Variants in KIF26B observed in about 807,000 individuals in gnomAD.
The protein encoded by KIF26B is kinesin family member 26B, also known as kinesin-like protein KIF26B.
Under a neutral mutation model 151.2 loss-of-function variants are expected in KIF26B, and 63 were observed. The observed-to-expected ratio is 0.42, with a 90% CI of 0.34 to 0.51. The LOEUF is 0.51. Ranked by LOEUF, KIF26B falls within the 20% of genes least tolerant of loss-of-function variation. KIF26B has a pLI of 0.07. For synonymous variants in KIF26B, 1,357 were observed against 1,262.1 expected (o/e 1.08, Z -1.59); for missense variants, 2,813 against 2,913.6 (o/e 0.97, Z 0.79).
intron 4 of KIF26B, among the ~76,000 whole-genome samples, chr1:245,466,415 A>G (rs1452291288): frequency 2.0e-5 from 3 of 152,240 alleles, no homozygotes; most frequent in African/African-American, 7.2e-5. Context: ...AAGTTATTTT[A>G]AGAGAGTGTT....
At position 245,611,978 on chromosome 1, in the gene KIF26B, T is replaced by C; in HGVS notation, c.2098+2T>C. 6.2e-7 allele frequency: 1 copy of C among 1,609,926 alleles called. No individual in the cohort carries two copies. The highest frequency in any genetic ancestry group is 8.5e-7 in the Non-Finnish European group (1 of 1,177,172). On this transcript the variant is annotated splice_donor_variant, in intron 9 of 14. Coordinates refer to ENST00000407071, the MANE Select transcript of KIF26B (RefSeq NM_018012.4). LOFTEE classifies it high-confidence loss of function. ...TGGAGAAGAGCGGGAAAGGGGGAAG[T>C]AAGTCGGCCACTCCACCCTCCTGCC...
intron 8 of KIF26B, among the ~76,000 whole-genome samples, chr1:245,610,922 T>C (rs1408626723): frequency 1.3e-5 from 2 of 152,228 alleles, no homozygotes; most frequent in Non-Finnish European, 2.9e-5. Flanking sequence ...TCAGAATTTG[T>C]ACCAACCTTA....
chr1:245,291,415 T>C (rs1361184963), intron 2 of KIF26B, among the ~76,000 whole-genome samples: 1 of 152,168 alleles, frequency 6.6e-6, no homozygotes, highest in African/African-American at 2.4e-5. Context: ...GAAGATAAAA[T>C]TTCTCTTTGG....
At chr1:245,494,616 AT>A (rs1188014560) in intron 4 of KIF26B, among the ~76,000 whole-genome samples, 4 of 152,350 alleles carry the variant, frequency 2.6e-5, no homozygotes, top group African/African-American at 7.2e-5. Flanking sequence ...AAGAAAAAAA[AT>A]AGGCACTGGA....
At chr1:245,354,583 C>T (rs182330281) in intron 2 of KIF26B, among the ~76,000 whole-genome samples, 62 of 152,320 alleles carry the variant, frequency 4.1e-4, no homozygotes, top group East Asian at 1.9e-4. Flanking sequence ...CTGGGCCAGG[C>T]GGTCAGGATC....
intron 9 of KIF26B, among the ~76,000 whole-genome samples, chr1:245,617,460 T>C (rs1421354404): frequency 6.6e-6 from 1 of 152,158 alleles, no homozygotes. Context: ...TAATGCTGTA[T>C]TTAGGGCTGT....
intron 5 of KIF26B, among the ~76,000 whole-genome samples, chr1:245,577,254 G>C (rs73137630): frequency 0.054 from 8,253 of 152,208 alleles, 519 homozygotes; most frequent in African/African-American, 0.15. Flanking sequence ...CATTTCCTGG[G>C]ATCTCAAGCT....
At chr1:245,268,793 C>G (rs1294773917) in intron 2 of KIF26B, among the ~76,000 whole-genome samples, 1 of 152,124 alleles carries the variant, frequency 6.6e-6, no homozygotes, top group Non-Finnish European at 1.5e-5. Flanking sequence ...AATTCTAAAT[C>G]TTTCTGAGCC....
intron 3 of KIF26B, among the ~76,000 whole-genome samples, chr1:245,398,855 C>T (rs1474682726): frequency 6.6e-6 from 1 of 151,820 alleles, no homozygotes; most frequent in Non-Finnish European, 1.5e-5. Flanking sequence ...GTACAAAGGA[C>T]ACCCTTATTC....
chr1:245,301,705 T>C (rs939748191), intron 2 of KIF26B, among the ~76,000 whole-genome samples: 7 of 152,228 alleles, frequency 4.6e-5, no homozygotes, highest in Non-Finnish European at 8.8e-5. Flanking sequence ...ATTGCTGTTA[T>C]CATTTCAAAT....
intron 4 of KIF26B, among the ~76,000 whole-genome samples, chr1:245,455,490 G>A (rs535448501): frequency 7.1e-4 from 108 of 152,242 alleles, no homozygotes; most frequent in Non-Finnish European, 1.2e-3. Flanking sequence ...GTGACAGAGT[G>A]AGATCTGTCT....
chr1:245,586,633 C>T (rs1056587897), intron 5 of KIF26B, among the ~76,000 whole-genome samples: 2 of 152,018 alleles, frequency 1.3e-5, no homozygotes, highest in Non-Finnish European at 1.5e-5. Flanking sequence ...CCTGTAATCC[C>T]AGCACTTTGG....
At chr1:245,220,097 C>A (rs1268725994) in intron 2 of KIF26B, among the ~76,000 whole-genome samples, 1 of 152,156 alleles carries the variant, frequency 6.6e-6, no homozygotes, top group Admixed American at 6.5e-5. Flanking sequence ...AGAGCTTCGG[C>A]CTCTCTCTCC....
At chr1:245,652,142 G>A (rs2044025331) in intron 10 of KIF26B, among the ~76,000 whole-genome samples, 1 of 131,006 alleles carries the variant, frequency 7.6e-6, no homozygotes, top group Non-Finnish European at 1.6e-5. Context: ...GTGTGTGTGT[G>A]TGTGAGAGAG....
chr1:245,588,820 G>A (rs1237323375), intron 5 of KIF26B, among the ~76,000 whole-genome samples: 1 of 152,184 alleles, frequency 6.6e-6, no homozygotes, highest in Non-Finnish European at 1.5e-5. Context: ...AACAGATGCA[G>A]TCCTGGGAAA....
chr1:245,261,959 C>T (rs1670653202), intron 2 of KIF26B, among the ~76,000 whole-genome samples: 1 of 152,184 alleles, frequency 6.6e-6, no homozygotes, highest in African/African-American at 2.4e-5. Flanking sequence ...CTGGATCCAA[C>T]ACTAGAGTTA....
chr1:245,192,533 C>G (rs1669127828), intron 2 of KIF26B, among the ~76,000 whole-genome samples: 1 of 152,166 alleles, frequency 6.6e-6, no homozygotes, highest in South Asian at 2.1e-4. Flanking sequence ...ATAAATCATC[C>G]TTGAATAAAC....
At chr1:245,312,055 A>G (rs958356132) in intron 2 of KIF26B, among the ~76,000 whole-genome samples, 2 of 152,184 alleles carry the variant, frequency 1.3e-5, no homozygotes, top group African/African-American at 4.8e-5. Flanking sequence ...TAGTCATCCT[A>G]TAAAGAGCCC....
In KIF26B at chr1:245,440,199, C is replaced by A. The variant is rs552619408; in HGVS notation, c.1166+20454C>A. 2.5e-4 allele frequency among the ~76,000 whole-genome samples: 37 copies of A among 150,688 alleles called. No individual in the cohort carries two copies. The South Asian group carries it at 7.0e-3, about 28-fold the overall frequency. Reference sequence around the variant, plus strand: ...TCGTGCCACTGCACACCAGCCTGGGCGACAGAGCCAGACTCTGCCTAAAAA... The same window carrying A: ...TCGTGCCACTGCACACCAGCCTGGGAGACAGAGCCAGACTCTGCCTAAAAA... On this transcript the variant is annotated intron_variant, in intron 4 of 14. Transcript: ENST00000407071.
Sources: gnomAD v4.1 joint callset for allele counts (sites outside exome capture counted in the v4.1 genomes callset) on GRCh38, gnomAD v4.1.1 for gene constraint, MANE v1.5 for transcripts, NCBI Gene and HGNC (gene_info 2026-07-23, HGNC 2026-07-21) for gene names.